S100A8: variants seen among roughly 807,000 people sequenced by gnomAD.
S100A8 encodes the protein protein S100-A8.
S100A8 carries 1 observed loss-of-function variant against 4.2 expected under a neutral mutation model. The observed-to-expected ratio is 0.24, with a 90% CI of 0.08 to 1.12. The LOEUF (loss-of-function observed/expected upper bound fraction) is 1.12, where lower values mean the gene tolerates loss of function less well. Ranked by LOEUF, S100A8 falls within the 50% of genes most tolerant of loss-of-function variation. The pLI is 0.53. For synonymous variants in S100A8, 41 were observed against 44.7 expected, an observed-to-expected ratio of 0.92 and a Z score of 0.33; for missense variants, 96 against 111.8, an observed-to-expected ratio of 0.86 and a Z score of 0.64.
At chr1:153,419,457 C>A in the S100A8 span, 2 of 930,872 alleles carry the variant, frequency 2.1e-6, no homozygotes, top group Admixed American at 2.9e-5. Flanking sequence ...ATTTCCCCCA[C>A]CCCCATCCAG....
the S100A8 span, chr1:153,418,202 C>G: frequency 6.2e-7 from 1 of 1,613,862 alleles, no homozygotes; most frequent in Non-Finnish European, 8.5e-7. Flanking sequence ...AGGAGAACTT[C>G]CCCAATTTCC....
the S100A8 span, among the ~76,000 whole-genome samples, chr1:153,418,866 G>A: frequency 6.6e-5 from 10 of 152,178 alleles, no homozygotes; most frequent in African/African-American, 2.4e-4. Flanking sequence ...TGAGGCTGGG[G>A]CAGGGGACTG....
the S100A8 span, among the ~76,000 whole-genome samples, chr1:153,413,903 T>TA: frequency 6.6e-6 from 1 of 151,738 alleles, no homozygotes; most frequent in Non-Finnish European, 1.5e-5. Context: ...GTGTGTCTCA[T>TA]AAAAAAGAAA....
the S100A8 span, among the ~76,000 whole-genome samples, chr1:153,406,027 T>C: frequency 6.9e-3 from 924 of 133,778 alleles, 15 homozygotes; most frequent in East Asian, 0.066. Flanking sequence ...CTGGCTGTCT[T>C]GGAACATTCC....
chr1:153,419,670 T>C, the S100A8 span: 1 of 256,510 alleles, frequency 3.9e-6, no homozygotes. Context: ...TGGACCAGGG[T>C]CATTCAGACA....
chr1:153,390,556 A>G lies in S100A8; in HGVS notation c.-21T>C, dbSNP rs1232086950. On this transcript the variant is annotated splice_region_variant and 5_prime_UTR_variant, in exon 2 of 3. Coordinates refer to ENST00000368733, the MANE Select transcript of S100A8 (RefSeq NM_002964.5). ...AACATGATGCCCACGGACTTGCCCC[A>G]CCTGAAAAACAGAACCTTCTGGGGA... 2.5e-6 allele frequency: 4 copies of G among 1,613,762 alleles called. No homozygotes were observed. Among genetic ancestry groups the G allele is most frequent in the East Asian group, 4.5e-5 (2 of 44,882 alleles).
At chr1:153,391,764 C>T (rs1185326507), upstream of S100A8, among the ~76,000 whole-genome samples, 3 of 152,106 alleles carry the variant, frequency 2.0e-5, no homozygotes, top group Non-Finnish European at 4.4e-5. Flanking sequence ...TGCTTGGGGT[C>T]CCTCGGCACT....
chr1:153,390,658 G>A (rs1662071077), intron 1 of S100A8, 101 bp from the exon 2 acceptor site: 2 of 1,434,956 alleles, frequency 1.4e-6, no homozygotes, highest in Non-Finnish European at 1.9e-6. Flanking sequence ...CCTTGTCCTG[G>A]CCTGCACTCT....
upstream of S100A8, among the ~76,000 whole-genome samples, chr1:153,393,071 C>G (rs1376236662): frequency 6.6e-6 from 1 of 152,180 alleles, no homozygotes; most frequent in East Asian, 1.9e-4. Flanking sequence ...CTAAGCCCCA[C>G]AGAGAGACAT....
Position 153,390,653 on chromosome 1 carries a change from T to C in S100A8, c.-22-96A>G. The C allele has an allele frequency of 6.1e-6, 9 of 1,480,622 alleles. No individual in the cohort carries two copies. The South Asian group carries it at 1.0e-4, about 17-fold the overall frequency. The allele number at this position is 1,480,622 out of a possible 1,614,324, so 91.7% of individuals were successfully genotyped here. ...ATTCATGCCCCAAGCGATGGCCTTG[T>C]CCTGGCCTGCACTCTCCAAATAACC... On this transcript the variant is annotated intron_variant, in intron 1 of 2. Transcript: ENST00000368733.
the S100A8 span, among the ~76,000 whole-genome samples, chr1:153,411,932 G>A: frequency 8.5e-5 from 13 of 152,320 alleles, no homozygotes; most frequent in African/African-American, 3.1e-4. Context: ...TAACCCATAT[G>A]TAGAAAGCTG....
chr1:153,413,954 T>A, the S100A8 span, among the ~76,000 whole-genome samples: 1 of 152,214 alleles, frequency 6.6e-6, no homozygotes, highest in Non-Finnish European at 1.5e-5. Flanking sequence ...TGCATCTTGG[T>A]GACTTGCACA....
the S100A8 span, among the ~76,000 whole-genome samples, chr1:153,416,277 G>A: frequency 6.6e-6 from 1 of 152,142 alleles, no homozygotes; most frequent in Non-Finnish European, 1.5e-5. Flanking sequence ...CACATGTACC[G>A]CTGCCTTACC....
the S100A8 span, chr1:153,418,004 AC>A: frequency 6.9e-6 from 11 of 1,585,100 alleles, no homozygotes; most frequent in East Asian, 2.2e-4. Flanking sequence ...TCCTTCTAAC[AC>A]CCCCACATAG....
At chr1:153,401,662 G>T in the S100A8 span, among the ~76,000 whole-genome samples, 395 of 152,250 alleles carry the variant, frequency 2.6e-3, 7 homozygotes, top group Admixed American at 0.021. Context: ...CCCGAAACTG[G>T]CCCTGAAGCA....
chr1:153,402,358 G>T, the S100A8 span, among the ~76,000 whole-genome samples: 2 of 152,130 alleles, frequency 1.3e-5, no homozygotes, highest in African/African-American at 4.8e-5. Context: ...CCACATACCT[G>T]TTCTCAACCA....
At chr1:153,411,787 T>C in the S100A8 span, among the ~76,000 whole-genome samples, 1 of 152,166 alleles carries the variant, frequency 6.6e-6, no homozygotes, top group African/African-American at 2.4e-5. Flanking sequence ...AACAGAGGTA[T>C]AGAGCAATGT....
the S100A8 span, among the ~76,000 whole-genome samples, chr1:153,418,805 G>A: frequency 6.6e-6 from 1 of 152,180 alleles, no homozygotes; most frequent in Non-Finnish European, 1.5e-5. Context: ...TTGAGGCCCT[G>A]GGGTAGAACT....
At chr1:153,406,265 A>G in the S100A8 span, among the ~76,000 whole-genome samples, 1 of 152,188 alleles carries the variant, frequency 6.6e-6, no homozygotes, top group Non-Finnish European at 1.5e-5. Context: ...GGGGCACAAT[A>G]TAAGACATGG....
Sources: gnomAD v4.1 joint callset for allele counts (sites outside exome capture counted in the v4.1 genomes callset) on GRCh38, gnomAD v4.1.1 for gene constraint, MANE v1.5 for transcripts, NCBI Gene and HGNC (gene_info 2026-07-23, HGNC 2026-07-21) for gene names.